The following MYPN variants were observed in gnomAD, a reference collection of about 807,000 sequenced individuals.
The protein encoded by MYPN is myopalladin, also known as sarcomeric protein myopalladin, 145 kDa (MYOP).
Under a neutral mutation model 129.4 loss-of-function variants are expected in MYPN, and 63 were observed. That is an observed-to-expected ratio of 0.49 (90% CI 0.40 to 0.60). MYPN has a LOEUF of 0.60. MYPN is among the 20% of genes least tolerant of loss of function. The pLI, the probability that MYPN is intolerant of heterozygous loss-of-function variation, is 0.00. For synonymous variants in MYPN, 629 were observed against 600.9 expected, an observed-to-expected ratio of 1.05 and a Z score of -0.68; for missense variants, 1,596 against 1,635.4, an observed-to-expected ratio of 0.98 and a Z score of 0.42.
intron 19 of MYPN, among the ~76,000 whole-genome samples, chr10:68,208,754 T>A (rs1191209259): frequency 1.3e-5 from 2 of 152,066 alleles, no homozygotes; most frequent in Non-Finnish European, 2.9e-5. Context: ...GGAGGACGCG[T>A]GGAGGACTTG....
At position 68,167,923 on chromosome 10, in the gene MYPN, G is replaced by A. The variant is rs570673986; in HGVS notation, c.1973+1257G>A. On this transcript the variant is annotated intron_variant, in intron 10 of 19. Transcript: ENST00000358913. ...AACCAAACACAACCAAATCCTGCAG[G>A]AGAAGAACTAGAGAGGCGGGAACTG... 7.2e-5 allele frequency among the ~76,000 whole-genome samples: 11 copies of A among 152,302 alleles called. No individual in the cohort carries two copies. The South Asian group carries it at 1.4e-3, about 20-fold the overall frequency.
At chr10:68,153,907 C>T (rs898610906) in intron 6 of MYPN, among the ~76,000 whole-genome samples, 6 of 150,628 alleles carry the variant, frequency 4.0e-5, no homozygotes, top group South Asian at 2.1e-4. Context: ...CTTTGCCAAT[C>T]GTGGCAAGAA....
At chr10:68,107,714 C>T (rs1476251602), upstream of MYPN, among the ~76,000 whole-genome samples, 1 of 152,086 alleles carries the variant, frequency 6.6e-6, no homozygotes, top group Non-Finnish European at 1.5e-5. Flanking sequence ...CATATAGATT[C>T]CTAATTTCAC....
At chr10:68,116,847 T>C (rs904245270) in intron 1 of MYPN, among the ~76,000 whole-genome samples, 3 of 152,220 alleles carry the variant, frequency 2.0e-5, no homozygotes, top group Non-Finnish European at 4.4e-5. Flanking sequence ...ATGACTGCCT[T>C]TACCAGTTTA....
chr10:68,126,350 C>G (rs1461310251), intron 2 of MYPN, among the ~76,000 whole-genome samples: 1 of 152,120 alleles, frequency 6.6e-6, no homozygotes, highest in Non-Finnish European at 1.5e-5. Flanking sequence ...TTCGAAGAAC[C>G]TTGAAAGCAA....
chr10:68,109,729 A>G lies in MYPN; in HGVS notation c.-2+6A>G. The G allele has an allele frequency of 2.2e-6, 1 of 453,078 alleles. No homozygotes were observed. The highest frequency in any genetic ancestry group is 4.4e-6 in the Non-Finnish European group (1 of 226,148). 28.1% of individuals were successfully genotyped at this position (453,078 alleles called of 1,614,324 possible). ...GGTCAACTAAAAAAAGAAAGGTAAT[A>G]TCCAGATTTAAGTTCACAAGTGTGT... On this transcript the variant is annotated splice_donor_region_variant and intron_variant, in intron 1 of 19. Coordinates refer to ENST00000358913, the MANE Select transcript of MYPN (RefSeq NM_032578.4).
upstream of MYPN, chr10:68,106,484 C>T: frequency 5.6e-6 from 3 of 534,638 alleles, no homozygotes; most frequent in Non-Finnish European, 1.0e-5. Context: ...AAATTTTTCT[C>T]ATTAAAAATG....
Position 68,211,060 on chromosome 10 carries a change from C to G in MYPN, c.*605C>G, listed in dbSNP as rs1405381770. 2 of 454,090 alleles carry G rather than the reference C, an allele frequency of 4.4e-6. No individual in the cohort carries two copies. The highest frequency in any genetic ancestry group is 4.0e-5 in the African/African-American group (2 of 50,118). The allele number at this position is 454,090 out of a possible 1,614,324, so 28.1% of individuals were successfully genotyped here. On this transcript the variant is annotated 3_prime_UTR_variant, in exon 20 of 20. Transcript: ENST00000358913. ...CCACATAATAAGGTGTCAAAATGTGCTTGAGATTCCAAAAACTTGCTGAAA... is the reference window on the plus strand; with the variant it reads ...CCACATAATAAGGTGTCAAAATGTGGTTGAGATTCCAAAAACTTGCTGAAA...
intron 1 of MYPN, among the ~76,000 whole-genome samples, chr10:68,117,994 C>T (rs2042182866): frequency 6.6e-6 from 1 of 151,790 alleles, no homozygotes; most frequent in Non-Finnish European, 1.5e-5. Flanking sequence ...GGATTTGAAC[C>T]CAGTTCTATC....
chr10:68,204,359 G>A (rs777166506), intron 18 of MYPN, among the ~76,000 whole-genome samples: 2 of 152,168 alleles, frequency 1.3e-5, no homozygotes, highest in Non-Finnish European at 2.9e-5. Flanking sequence ...GCACCCTAAT[G>A]TGTCTCTCTG....
intron 1 of MYPN, among the ~76,000 whole-genome samples, chr10:68,094,947 G>A (rs923387160): frequency 3.9e-5 from 6 of 152,132 alleles, no homozygotes; most frequent in Non-Finnish European, 5.9e-5. Flanking sequence ...TGTAATCCCA[G>A]CTACTAGGGA....
intron 12 of MYPN, among the ~76,000 whole-genome samples, chr10:68,181,847 T>C (rs2043317908): frequency 6.6e-6 from 1 of 151,830 alleles, no homozygotes. Context: ...CATAGCAAGC[T>C]CTCCAAGCTC....
At chr10:68,195,669 T>TA in intron 15 of MYPN, 137 bp downstream of exon 15, 1 of 748,994 alleles carries the variant, frequency 1.3e-6, no homozygotes, top group Non-Finnish European at 2.4e-6. Flanking sequence ...ACCTGGGCGT[T>TA]GGTTGGAAAT....
chr10:68,173,953 C>T (rs1173271082), intron 10 of MYPN, 113 bp from the exon 11 acceptor site: 3 of 902,998 alleles, frequency 3.3e-6, no homozygotes, highest in Non-Finnish European at 5.5e-6. Flanking sequence ...AGGCATGAGC[C>T]ACCATGCCCC....
At chr10:68,148,623 C>T (rs2042711889) in intron 5 of MYPN, among the ~76,000 whole-genome samples, 156 bp downstream of exon 5, 1 of 152,184 alleles carries the variant, frequency 6.6e-6, no homozygotes, top group Admixed American at 6.5e-5. Flanking sequence ...GCAGTGGTTC[C>T]TGTTGCTTTG....
chr10:68,149,147 G>C (rs1191040028), intron 5 of MYPN, among the ~76,000 whole-genome samples: 1 of 138,922 alleles, frequency 7.2e-6, no homozygotes, highest in Non-Finnish European at 1.5e-5. Flanking sequence ...ATGATCACTT[G>C]AGCCTGAGAG....
chr10:68,143,258 T>G, intron 3 of MYPN, 143 bp downstream of exon 3: 1 of 714,590 alleles, frequency 1.4e-6, no homozygotes, highest in Non-Finnish European at 2.3e-6. Context: ...ACAAAAATAC[T>G]TAGGCTCATT....
Position 68,166,562 on chromosome 10 carries a change from C to T in MYPN, c.1869C>T (p.Thr623=). Residue 623 remains threonine, a synonymous_variant, in exon 10 of 20, where the codon ACC becomes ACT. Coordinates refer to ENST00000358913, the MANE Select transcript of MYPN (RefSeq NM_032578.4). ...CTGGTGTGGTGACCACCAGACAGAC[C>T]AGGCCCGATTCTTTCCAGGAGAGGT... is the stretch of plus-strand genomic sequence containing the variant. ...SEAGVVTTRQ[T]RPDSFQERFN... is the part of the protein sequence containing the mutation. 6.2e-7 allele frequency: 1 copy of T among 1,614,004 alleles called. No individual in the cohort carries two copies.
At chr10:68,117,457 G>A (rs2042174876) in intron 1 of MYPN, among the ~76,000 whole-genome samples, 1 of 152,042 alleles carries the variant, frequency 6.6e-6, no homozygotes, top group African/African-American at 2.4e-5. Flanking sequence ...GCACATTGGA[G>A]AGGTACCCAA....
Sources: gnomAD v4.1 joint callset for allele counts (sites outside exome capture counted in the v4.1 genomes callset) on GRCh38, gnomAD v4.1.1 for gene constraint, MANE v1.5 for transcripts, NCBI Gene and HGNC (gene_info 2026-07-23, HGNC 2026-07-21) for gene names.